ZNF616: variants seen among roughly 807,000 people sequenced by gnomAD.
ZNF616 encodes zinc finger protein 616.
Under a neutral mutation model 7.6 loss-of-function variants are expected in ZNF616, and 5 were observed. That is an observed-to-expected ratio of 0.66 (90% confidence interval 0.34 to 1.38). The LOEUF (loss-of-function observed/expected upper bound fraction) is 1.38, where lower values mean the gene tolerates loss of function less well. Ranked by LOEUF, ZNF616 falls within the 40% of genes most tolerant of loss-of-function variation. ZNF616 has a pLI of 0.04. For missense variants in ZNF616, 913 were observed against 948.3 expected (o/e 0.96, Z 0.49); for synonymous variants, 319 against 317.2 (o/e 1.01, Z -0.06).
Position 52,139,637 on chromosome 19 carries a change from T to C in ZNF616, c.-77+95A>G, listed in dbSNP as rs527908408. ...AAGCAGGAACACGACCTGAATGGGG[T>C]TATCGACATGGTTATCTACATGGCA... On this transcript the variant is annotated intron_variant, in intron 1 of 3. Coordinates refer to ENST00000600228, the MANE Select transcript of ZNF616 (RefSeq NM_178523.5). The surrounding 1 kb of genome is among the most constrained non-coding windows in gnomAD (Gnocchi z 4.1). The C allele has an allele frequency of 6.6e-6, 1 of 152,044 alleles. No individual in the cohort carries two copies. The highest frequency in any genetic ancestry group is 2.1e-4 in the South Asian group (1 of 4,808). The allele number at this position is 152,044 out of a possible 1,614,324, so 9.4% of individuals were successfully genotyped here.
At chr19:52,138,822 C>T (rs1445888460) in intron 1 of ZNF616, 1 of 152,604 alleles carries the variant, frequency 6.6e-6, no homozygotes, top group Non-Finnish European at 1.5e-5. Context: ...GTGGTTCTCC[C>T]TCTACTCTCC....
chr19:52,118,074 C>T (rs2088840357), intron 3 of ZNF616, among the ~76,000 whole-genome samples: 1 of 152,144 alleles, frequency 6.6e-6, no homozygotes, highest in Non-Finnish European at 1.5e-5. Flanking sequence ...TCTCAAATGG[C>T]TGAGACCAAA....
At chr19:52,137,571 T>C (rs1011589831) in intron 1 of ZNF616, among the ~76,000 whole-genome samples, 2 of 152,084 alleles carry the variant, frequency 1.3e-5, no homozygotes, top group African/African-American at 4.8e-5. Context: ...TCTAAAAAAG[T>C]CCAATTCATA....
At chr19:52,118,354 G>A (rs563698138) in intron 3 of ZNF616, among the ~76,000 whole-genome samples, 1 of 152,276 alleles carries the variant, frequency 6.6e-6, no homozygotes, top group South Asian at 2.1e-4. Context: ...AACAAACACT[G>A]TTTGGAAGAA....
Position 52,130,536 on chromosome 19 carries a change from T to C in ZNF616, c.-24A>G. ...ATCACTGACTCCTTTTCCTTCCTCT[T>C]CTTCCTCTTCTGGGTTTCTTTCTCA... On this transcript the variant is annotated 5_prime_UTR_variant, in exon 2 of 4. Transcript: ENST00000600228. The C allele has an allele frequency of 6.2e-7, 1 of 1,603,712 alleles. No homozygotes were observed. The highest frequency in any genetic ancestry group is 8.5e-7 in the Non-Finnish European group (1 of 1,176,164).
rs116313418 is a variant in ZNF616 at position 52,127,199 on chromosome 19, C to T, written c.13-3150G>A. On this transcript the variant is annotated intron_variant, in intron 2 of 3. Transcript: ENST00000600228. ...CCTCCCAGGTAGCTAAGATTAAAGA[C>T]GTGCACCATCATGTCCGGCTAATAT... Among the ~76,000 whole-genome samples, 763 of 152,110 alleles carry T rather than the reference C, an allele frequency of 5.0e-3. 9 individuals carry two copies. Among genetic ancestry groups the T allele is most frequent in the African/African-American group, 0.018 (728 of 41,470 alleles).
chr19:52,133,387 T>G (rs1600128767), intron 1 of ZNF616, among the ~76,000 whole-genome samples: 4 of 152,276 alleles, frequency 2.6e-5, no homozygotes, highest in South Asian at 4.1e-4. Context: ...TTGTTACACT[T>G]TATAATAGGC....
At chr19:52,127,483 T>A (rs981038391) in intron 2 of ZNF616, among the ~76,000 whole-genome samples, 5 of 152,230 alleles carry the variant, frequency 3.3e-5, no homozygotes, top group African/African-American at 1.2e-4. Context: ...TCTAAAACTT[T>A]ATAATCAAAT....
Position 52,124,019 on chromosome 19 carries a change from C to A in ZNF616, c.43G>T (p.Glu15Ter). Reference protein sequence around the residue: ...GHLTFKDVAIEFSQEEWKCLE... With the variant: ...GHLTFKDVAI ...CATTTCCACTCCTCCTGAGAGAATT[C>A]TATGGCTACATCCTTGAATGTCAAA... The change falls in exon 3 of 4, where the codon GAA becomes TAA. Residue 15 changes from glutamate to a stop codon, truncating the protein, a stop_gained. Transcript: ENST00000600228. LOFTEE classifies it high-confidence loss of function. The A allele has an allele frequency of 6.2e-7, 1 of 1,612,202 alleles. No individual in the cohort carries two copies. Among genetic ancestry groups the A allele is most frequent in the East Asian group, 2.2e-5 (1 of 44,862 alleles).
chr19:52,132,790 C>A (rs923746779), intron 1 of ZNF616, among the ~76,000 whole-genome samples: 5 of 152,156 alleles, frequency 3.3e-5, no homozygotes, highest in African/African-American at 1.2e-4. Flanking sequence ...ATTACTCGGT[C>A]TCTGGAATTT....
rs143649418 is a variant in ZNF616, at chr19:52,116,724, C to A, written c.440G>T (p.Arg147Leu). 2 of 1,614,124 alleles carry A rather than the reference C, an allele frequency of 1.2e-6. No individual in the cohort carries two copies. Among genetic ancestry groups the A allele is most frequent in the South Asian group, 1.1e-5 (1 of 91,080 alleles). Residue 147 changes from arginine (R) to leucine (L), a missense_variant, in exon 4 of 4, where the codon CGT (arginine) becomes CTT (leucine). Arg to Leu is a moderately radical substitution (Grantham distance 102). Coordinates refer to ENST00000600228, the MANE Select transcript of ZNF616 (RefSeq NM_178523.5). The part of the protein sequence containing the change: ...ENQLTSNFES[R>L]LAELQKVQTE... ...TTGAACTTTCTGCAGTTCAGCCAGA[C>A]GTGACTCAAAGTTTGATGTAAGCTG...
chr19:52,115,676 A>G lies in ZNF616; in HGVS notation c.1488T>C (p.Asn496=), dbSNP rs564033540. ...IHTGEKPYKC[N]ECGKVFSQHS... ...GTTGACTGAAGACCTTGCCACATTCATTGCATTTGTAAGGTTTCTCTCCAG... is the reference window on the plus strand; with the variant it reads ...GTTGACTGAAGACCTTGCCACATTCGTTGCATTTGTAAGGTTTCTCTCCAG... The change falls in exon 4 of 4, where the codon AAT becomes AAC. Residue 496 remains asparagine, a synonymous_variant. Coordinates refer to ENST00000600228, the MANE Select transcript of ZNF616 (RefSeq NM_178523.5). 1.2e-5 allele frequency: 20 copies of G among 1,614,000 alleles called. No individual in the cohort carries two copies. The East Asian group carries it at 2.5e-4, about 20-fold the overall frequency.
chr19:52,131,096 CCT>C (rs531651146), intron 1 of ZNF616, among the ~76,000 whole-genome samples: 82 of 151,916 alleles, frequency 5.4e-4, no homozygotes, highest in African/African-American at 1.7e-3. Context: ...GGTGAAACAC[CCT>C]CTCTACCAAA....
chr19:52,129,535 G>GC (rs2088939443), intron 2 of ZNF616, among the ~76,000 whole-genome samples: 1 of 152,068 alleles, frequency 6.6e-6, no homozygotes, highest in South Asian at 2.1e-4. Flanking sequence ...AACAACTGCT[G>GC]GTAAGAGTCC....
chr19:52,124,117 A>T, intron 2 of ZNF616, 68 bp from the exon 3 acceptor site: 1 of 1,533,710 alleles, frequency 6.5e-7, no homozygotes. Context: ...AAATGAGGAG[A>T]GAACTATCAC....
intron 3 of ZNF616, among the ~76,000 whole-genome samples, chr19:52,119,107 T>A (rs1184038846): frequency 6.6e-6 from 1 of 152,068 alleles, no homozygotes; most frequent in Non-Finnish European, 1.5e-5. Flanking sequence ...TCCCTGCACA[T>A]AATGATTTAG....
chr19:52,132,538 G>A (rs55905002), intron 1 of ZNF616, among the ~76,000 whole-genome samples: 14,423 of 152,064 alleles, frequency 0.095, 714 homozygotes, highest in Middle Eastern at 0.12. Flanking sequence ...GAATGGTTTC[G>A]CACCACCCCT....
At chr19:52,123,062 T>A (rs983161227) in intron 3 of ZNF616, among the ~76,000 whole-genome samples, 5 of 152,158 alleles carry the variant, frequency 3.3e-5, no homozygotes, top group Admixed American at 6.5e-5. Context: ...AGCTATACCA[T>A]CTGTACTAAA....
intron 1 of ZNF616, among the ~76,000 whole-genome samples, chr19:52,137,433 AAAAAAT>A (rs1180749244): frequency 6.6e-6 from 1 of 152,098 alleles, no homozygotes; most frequent in African/African-American, 2.4e-5. Flanking sequence ...TCTCAAAAAT[AAAAAAT>A]AAAAATAAAA....
Sources: allele counts gnomAD v4.1 joint callset (sites outside exome capture counted in the v4.1 genomes callset), GRCh38; gene constraint gnomAD v4.1.1; non-coding constraint Gnocchi (gnomAD v3.1); transcripts MANE v1.5; gene names NCBI Gene and HGNC (gene_info 2026-07-23, HGNC 2026-07-21).